PTOV1: variants seen among roughly 807,000 people sequenced by gnomAD.
PTOV1 encodes PTOV1 extended AT-hook containing adaptor protein, also known as prostate tumor-overexpressed gene 1 protein.
Under a neutral mutation model 58.0 loss-of-function variants are expected in PTOV1, and 20 were observed. The ratio of observed to expected loss-of-function variants is 0.34; its 90% CI spans 0.24 to 0.50. The LOEUF is 0.50. Ranked by LOEUF, PTOV1 falls within the 20% of genes least tolerant of loss-of-function variation. The pLI is 0.98. For missense variants in PTOV1, 593 were observed against 565.4 expected, an observed-to-expected ratio of 1.05 and a Z score of -0.50; for synonymous variants, 335 against 234.2, an observed-to-expected ratio of 1.43 and a Z score of -3.93.
intron 3 of PTOV1, 45 bp downstream of exon 3, chr19:49,854,779 G>A: frequency 6.2e-7 from 1 of 1,613,116 alleles, no homozygotes; most frequent in East Asian, 2.2e-5. Flanking sequence ...AGGGGCAGTG[G>A]CTGTGGCCGT....
upstream of PTOV1, chr19:49,851,009 C>G: frequency 6.5e-7 from 1 of 1,532,824 alleles, no homozygotes; most frequent in Non-Finnish European, 8.7e-7. Flanking sequence ...GCGCGTCTTC[C>G]CAGGACTCCC....
Position 49,854,894 on chromosome 19 carries a change from A to ACCC in PTOV1, c.450+7_450+9dup. Reference sequence around the variant, plus strand: ...TGATCCCTCAGCAGCTGCTGGTGAGACCCGCCCCTCCCACCCCATCCACTC... The same window carrying ACCC: ...TGATCCCTCAGCAGCTGCTGGTGAGACCCCCCGCCCCTCCCACCCCATCCACTC... On this transcript the variant is annotated splice_region_variant and intron_variant, in intron 4 of 11. Transcript: ENST00000391842. The ACCC allele has an allele frequency of 1.3e-6, 2 of 1,559,956 alleles. No homozygotes were observed. Among genetic ancestry groups the ACCC allele is most frequent in the Non-Finnish European group, 8.8e-7 (1 of 1,138,044 alleles).
At chr19:49,851,709 G>A (rs922680868) in intron 1 of PTOV1, 3 of 1,151,774 alleles carry the variant, frequency 2.6e-6, no homozygotes, top group Non-Finnish European at 3.2e-6. Context: ...CCGGGGTGGG[G>A]GGTTGGGGGA....
At chr19:49,852,005 T>C (rs1156794173) in intron 1 of PTOV1, 3 of 985,364 alleles carry the variant, frequency 3.0e-6, no homozygotes, top group East Asian at 1.1e-4. Context: ...CGCGCCCACA[T>C]GTGGGATGCT....
exon 1 of PTOV1, chr19:49,851,470 C>G: frequency 1.6e-6 from 2 of 1,221,650 alleles, no homozygotes; most frequent in Non-Finnish European, 2.0e-6. Flanking sequence ...GCAGCCTCCG[C>G]GGATCCGGGC....
chr19:49,856,699 G>C (rs921080464), intron 5 of PTOV1: 2 of 440,272 alleles, frequency 4.5e-6, no homozygotes, highest in Non-Finnish European at 8.2e-6. Context: ...CTGGCGGCAG[G>C]GGGTGATGTG....
chr19:49,859,229 G>C (rs1033139950), intron 10 of PTOV1: 1 of 153,168 alleles, frequency 6.5e-6, no homozygotes, highest in African/African-American at 2.4e-5. Context: ...TGAGTAAACT[G>C]TCCACGAAGC....
exon 6 of PTOV1, chr19:49,857,023 C>G (rs1171682417): frequency 1.9e-6 from 3 of 1,613,996 alleles, no homozygotes; most frequent in East Asian, 2.2e-5. Flanking sequence ...GGTGCGCGTG[C>G]TCATGCTCCT....
chr19:49,860,129 C>T, exon 11 of PTOV1: 2 of 1,614,218 alleles, frequency 1.2e-6, no homozygotes, highest in Non-Finnish European at 8.5e-7. Context: ...GTGTCATTGC[C>T]AACCAGCAGC....
intron 1 of PTOV1, chr19:49,853,262 C>T (rs1367889003): frequency 6.6e-6 from 1 of 152,188 alleles, no homozygotes; most frequent in Non-Finnish European, 1.5e-5. Context: ...TTTCCCCCGC[C>T]TGGAGGCGCC....
intron 1 of PTOV1, 39 bp from the exon 2 acceptor site, chr19:49,854,367 C>T (rs753261572): frequency 5.0e-5 from 79 of 1,583,682 alleles, no homozygotes; most frequent in African/African-American, 3.6e-4. Context: ...TTGCAGGCCC[C>T]GGCCTCAGTT....
In PTOV1 at chr19:49,858,112, C is replaced by T. The variant is rs1168164678; in HGVS notation, c.934C>T (p.Leu312=). The T allele has an allele frequency of 1.9e-6, 3 of 1,613,304 alleles. No individual in the cohort carries two copies. The Admixed American group carries it at 5.0e-5, about 27-fold the overall frequency. The change falls in exon 9 of 12, where the codon CTG becomes TTG. Residue 312 remains leucine, a splice_region_variant and synonymous_variant. Coordinates refer to ENST00000391842, the Ensembl canonical transcript of PTOV1. Reference sequence around the variant, plus strand: ...CATGCAGCTCATCCCGCAGCAGCTGCTGGTGAGGGGCTGGGGCCGGGTGCT... The same window carrying T: ...CATGCAGCTCATCCCGCAGCAGCTGTTGGTGAGGGGCTGGGGCCGGGTGCT...
exon 1 of PTOV1, chr19:49,851,236 C>T (rs1010633075): frequency 2.6e-6 from 3 of 1,133,728 alleles, no homozygotes; most frequent in African/African-American, 1.6e-5. Flanking sequence ...TCCCCCGAAG[C>T]CGCGCGCCCG....
In PTOV1 at chr19:49,857,822, C is replaced by T. The variant is rs371926457; in HGVS notation, c.804+40C>T. The T allele has an allele frequency of 1.9e-5, 31 of 1,612,698 alleles. No homozygotes were observed. In the African/African-American group the frequency reaches 3.6e-4, roughly 19 times the overall value. On this transcript the variant is annotated intron_variant, in intron 7 of 11. Transcript: ENST00000391842. Reference sequence around the variant, plus strand: ...GCCCAGGGACTTGGGACCCCCAGATCCTCACGGACTGTGGCTGGGAGGGGA... The same window carrying T: ...GCCCAGGGACTTGGGACCCCCAGATTCTCACGGACTGTGGCTGGGAGGGGA...
intron 5 of PTOV1, 100 bp from the exon 6 acceptor site, chr19:49,856,875 A>G (rs1054857416): frequency 1.5e-5 from 21 of 1,439,344 alleles, no homozygotes; most frequent in Non-Finnish European, 2.0e-5. Context: ...CTGTCCACCG[A>G]TGATCTCCCT....
rs2074392771 is a variant in PTOV1 at position 49,854,893 on chromosome 19, G to GGGGCCCCCC, written c.450+5_450+6insGGGCCCCCC. On this transcript the variant is annotated splice_donor_region_variant and intron_variant, in intron 4 of 11. Coordinates refer to ENST00000391842, the Ensembl canonical transcript of PTOV1. ...CTGATCCCTCAGCAGCTGCTGGTGA[G>GGGGCCCCCC]ACCCGCCCCTCCCACCCCATCCACT... 6.2e-7 allele frequency: 1 copy of GGGGCCCCCC among 1,603,556 alleles called. No individual in the cohort carries two copies. The highest frequency in any genetic ancestry group is 8.5e-7 in the Non-Finnish European group (1 of 1,173,340).
At chr19:49,860,659 G>T in exon 12 of PTOV1, 1 of 415,462 alleles carries the variant, frequency 2.4e-6, no homozygotes, top group Non-Finnish European at 4.3e-6. Context: ...CAACTGCCCA[G>T]CAACATGGAG....
chr19:49,855,229 C>G, intron 5 of PTOV1, 152 bp downstream of exon 5: 1 of 690,360 alleles, frequency 1.4e-6, no homozygotes, highest in Non-Finnish European at 2.5e-6. Context: ...AAATGACTGA[C>G]TCCAGGCACC....
Position 49,860,200 on chromosome 19 carries a change from C to CCAGGGCTGCTCAGTCTCCCT in PTOV1, c.1239+19_1239+38dup. 6.2e-7 allele frequency: 1 copy of CCAGGGCTGCTCAGTCTCCCT among 1,614,000 alleles called. No individual in the cohort carries two copies. The highest frequency in any genetic ancestry group is 8.5e-7 in the Non-Finnish European group (1 of 1,179,946). ...CAACGAGGGGTGAGGTGGCCGGCCTCCAGGGCTGCTCAGTCTCCCTCCACC... is the reference window on the plus strand; with the variant it reads ...CAACGAGGGGTGAGGTGGCCGGCCTCCAGGGCTGCTCAGTCTCCCTCAGGGCTGCTCAGTCTCCCTCCACC... On this transcript the variant is annotated intron_variant, in intron 11 of 11. Coordinates refer to ENST00000391842, the Ensembl canonical transcript of PTOV1.
Sources: allele counts gnomAD v4.1 joint callset, GRCh38; gene constraint gnomAD v4.1.1; transcripts MANE v1.5; gene names NCBI Gene and HGNC (gene_info 2026-07-23, HGNC 2026-07-21).